The following NCAM2 variants were observed in gnomAD, a reference collection of about 807,000 sequenced individuals.
The protein encoded by NCAM2 is neural cell adhesion molecule 2.
NCAM2 carries 30 observed loss-of-function variants against 98.1 expected under a neutral mutation model. The ratio of observed to expected loss-of-function variants is 0.31; its 90% confidence interval spans 0.23 to 0.41. The LOEUF (loss-of-function observed/expected upper bound fraction) is 0.41. Ranked by LOEUF, NCAM2 falls within the 10% of genes least tolerant of loss-of-function variation. The probability of loss-of-function intolerance (pLI) is 1.00; values close to 1 mark genes in which losing one functional copy is unlikely to be tolerated. For synonymous variants in NCAM2, 368 were observed against 342.4 expected (o/e 1.07, Z -0.83); for missense variants, 867 against 1,005.8 (o/e 0.86, Z 1.87).
chr21:21,125,635 ATAT>A (rs1355531652), intron 1 of NCAM2, among the ~76,000 whole-genome samples: 3 of 137,208 alleles, frequency 2.2e-5, no homozygotes, highest in Non-Finnish European at 4.6e-5. Context: ...ATAATATATA[ATAT>A]TTTACGTGTA....
intron 1 of NCAM2, among the ~76,000 whole-genome samples, chr21:21,264,968 T>TAC (rs1220059310): frequency 8.6e-5 from 11 of 128,316 alleles, no homozygotes; most frequent in African/African-American, 1.1e-4. Flanking sequence ...TGTGTATATA[T>TAC]ACACATATAT....
chr21:21,309,510 C>T (rs1443100529), intron 5 of NCAM2, among the ~76,000 whole-genome samples: 2 of 152,132 alleles, frequency 1.3e-5, no homozygotes, highest in African/African-American at 4.8e-5. Flanking sequence ...CTTTTGTTTG[C>T]TCTGTTTGAG....
intron 1 of NCAM2, among the ~76,000 whole-genome samples, chr21:21,123,221 C>T (rs1467030016): frequency 6.6e-6 from 1 of 151,844 alleles, no homozygotes; most frequent in African/African-American, 2.4e-5. Flanking sequence ...CGGTGAAACC[C>T]GGTCTGTACT....
chr21:21,512,766 A>G (rs1988470961), intron 16 of NCAM2, among the ~76,000 whole-genome samples: 2 of 151,974 alleles, frequency 1.3e-5, no homozygotes, highest in South Asian at 2.1e-4. Context: ...GTTTTCATCA[A>G]TGTTTTATCG....
chr21:21,279,176 TAATTAA>T (rs1017989998), intron 1 of NCAM2, among the ~76,000 whole-genome samples: 1 of 152,208 alleles, frequency 6.6e-6, no homozygotes, highest in Non-Finnish European at 1.5e-5. Flanking sequence ...AACACGTTTA[TAATTAA>T]AATCCCAAAC....
chr21:21,226,841 A>G (rs1452841980), intron 1 of NCAM2: 2 of 152,074 alleles, frequency 1.3e-5, no homozygotes, highest in Non-Finnish European at 2.9e-5. Flanking sequence ...TAGGAACAAC[A>G]CAAGGGTACT....
Position 21,418,467 on chromosome 21 carries a change from T to A in NCAM2, c.1384-6T>A, listed in dbSNP as rs1428068385. 2.5e-6 allele frequency: 4 copies of A among 1,590,354 alleles called. No homozygotes were observed. The African/African-American group carries it at 4.0e-5, about 16-fold the overall frequency. ...ATTGTAACATTTGTTATTATAATTA[T>A]TTCAGATTGCACCTACATCTGACAA... On this transcript the variant is annotated splice_polypyrimidine_tract_variant and splice_region_variant and intron_variant, in intron 10 of 17. Coordinates refer to ENST00000400546, the MANE Select transcript of NCAM2 (RefSeq NM_004540.5).
In NCAM2 at chr21:21,127,881, T is replaced by C. The variant is rs139233798; in HGVS notation, c.55+129263T>C. Among the ~76,000 whole-genome samples the C allele has an allele frequency of 1.7e-3, 262 of 152,284 alleles. 1 individual carries two copies. Among genetic ancestry groups the C allele is most frequent in the African/African-American group, 6.1e-3 (253 of 41,568 alleles). Reference sequence around the variant, plus strand: ...ATGTCTCTAAATATATACATTTAAATTTAAATATACGTTTAGCTTCCTTAA... The same window carrying C: ...ATGTCTCTAAATATATACATTTAAACTTAAATATACGTTTAGCTTCCTTAA... On this transcript the variant is annotated intron_variant, in intron 1 of 17. Coordinates refer to ENST00000400546, the MANE Select transcript of NCAM2 (RefSeq NM_004540.5).
At chr21:21,023,727 T>C (rs1280463516) in intron 1 of NCAM2, among the ~76,000 whole-genome samples, 1 of 152,134 alleles carries the variant, frequency 6.6e-6, no homozygotes, top group African/African-American at 2.4e-5. Flanking sequence ...TCTAATTTAC[T>C]CATATATGCA....
At chr21:21,173,646 A>G (rs747252598) in intron 1 of NCAM2, among the ~76,000 whole-genome samples, 2 of 152,180 alleles carry the variant, frequency 1.3e-5, no homozygotes, top group Admixed American at 6.5e-5. Context: ...ACCTCTTTTG[A>G]GAGAGGCATA....
intron 1 of NCAM2, among the ~76,000 whole-genome samples, chr21:21,216,875 G>T (rs1004755876): frequency 7.9e-5 from 12 of 152,132 alleles, no homozygotes; most frequent in African/African-American, 2.9e-4. Flanking sequence ...CAAATTAAAA[G>T]AAAAGAAAAT....
chr21:21,402,010 G>A (rs2076640993), intron 9 of NCAM2, among the ~76,000 whole-genome samples: 1 of 152,142 alleles, frequency 6.6e-6, no homozygotes, highest in Non-Finnish European at 1.5e-5. Flanking sequence ...AGCTGAGGAT[G>A]TAAGTCACCT....
At chr21:21,463,650 C>G (rs1329640137) in intron 12 of NCAM2, 1 of 152,022 alleles carries the variant, frequency 6.6e-6, no homozygotes, top group East Asian at 1.9e-4. Context: ...AATCTGAGAA[C>G]AGAAACATGT....
intron 1 of NCAM2, among the ~76,000 whole-genome samples, chr21:21,245,053 TGA>T (rs541664948): frequency 1.8e-4 from 28 of 152,266 alleles, no homozygotes; most frequent in African/African-American, 6.7e-4. Flanking sequence ...ATGTGAGGAC[TGA>T]GAGTGTTGAG....
At chr21:21,106,207 C>G (rs2066342044) in intron 1 of NCAM2, among the ~76,000 whole-genome samples, 1 of 150,964 alleles carries the variant, frequency 6.6e-6, no homozygotes, top group Non-Finnish European at 1.5e-5. Context: ...ACTCAGGAGG[C>G]TGAACTGGGA....
intron 5 of NCAM2, among the ~76,000 whole-genome samples, chr21:21,308,322 C>G (rs566508472): frequency 3.9e-5 from 6 of 152,160 alleles, no homozygotes; most frequent in African/African-American, 1.4e-4. Flanking sequence ...GTTAATGATT[C>G]AGTTCACCTA....
At chr21:21,093,498 A>G (rs1168111467) in intron 1 of NCAM2, among the ~76,000 whole-genome samples, 2 of 152,066 alleles carry the variant, frequency 1.3e-5, no homozygotes, top group South Asian at 2.1e-4. Context: ...TGTATTAACA[A>G]ATCAGGCAGA....
chr21:21,237,900 TA>T (rs1270901390), intron 1 of NCAM2, among the ~76,000 whole-genome samples: 1 of 150,634 alleles, frequency 6.6e-6, no homozygotes, highest in African/African-American at 2.4e-5. Context: ...ATACTTCCTT[TA>T]AAGAATCTTT....
intron 1 of NCAM2, among the ~76,000 whole-genome samples, chr21:21,061,089 C>T (rs566634003): frequency 1.1e-3 from 160 of 152,112 alleles, no homozygotes; most frequent in Non-Finnish European, 1.9e-3. Context: ...AAATATGTGA[C>T]GTTTCAGAGT....
Sources: allele counts gnomAD v4.1 joint callset (sites outside exome capture counted in the v4.1 genomes callset), GRCh38; gene constraint gnomAD v4.1.1; transcripts MANE v1.5; gene names NCBI Gene and HGNC (gene_info 2026-07-23, HGNC 2026-07-21).